The following OXCT1 variants were observed in gnomAD, a reference collection of about 807,000 sequenced individuals.
OXCT1 encodes 3-oxoacid CoA-transferase 1, also known as succinyl-CoA:3-ketoacid coenzyme A transferase 1, mitochondrial.
In OXCT1, 27 loss-of-function variants were observed where a neutral mutation model predicts 69.6. That is an observed-to-expected ratio of 0.39 (90% CI 0.29 to 0.54). OXCT1 has a LOEUF of 0.54. OXCT1 is among the 20% of genes least tolerant of loss of function. OXCT1 has a pLI of 0.72. For synonymous variants in OXCT1, 202 were observed against 217.8 expected, an observed-to-expected ratio of 0.93 and a Z score of 0.64; for missense variants, 437 against 650.2, an observed-to-expected ratio of 0.67 and a Z score of 3.57.
chr5:41,866,137 T>A (rs1161257246), intron 1 of OXCT1, among the ~76,000 whole-genome samples: 1 of 147,596 alleles, frequency 6.8e-6, no homozygotes, highest in South Asian at 2.2e-4. Flanking sequence ...TCAGGGGTTG[T>A]TAGCTTCCTT....
chr5:41,757,640 G>C (rs1411952437), intron 14 of OXCT1, among the ~76,000 whole-genome samples: 1 of 151,964 alleles, frequency 6.6e-6, no homozygotes, highest in Non-Finnish European at 1.5e-5. Context: ...AAACATCAAA[G>C]AATATTCCTT....
intron 16 of OXCT1, among the ~76,000 whole-genome samples, chr5:41,737,586 C>T (rs1742949702): frequency 6.6e-6 from 1 of 152,108 alleles, no homozygotes; most frequent in Non-Finnish European, 1.5e-5. Context: ...TAAGCATATC[C>T]TTCCCCTTGA....
intron 13 of OXCT1, among the ~76,000 whole-genome samples, chr5:41,789,881 T>A (rs1745829657): frequency 2.0e-5 from 3 of 152,164 alleles, no homozygotes; most frequent in Admixed American, 2.0e-4. Context: ...ACAAACCCCC[T>A]TGTAGTTTTA....
At chr5:41,851,708 A>C (rs1190259185) in intron 4 of OXCT1, among the ~76,000 whole-genome samples, 1 of 151,128 alleles carries the variant, frequency 6.6e-6, no homozygotes, top group Non-Finnish European at 1.5e-5. Context: ...AGCCTGAGGA[A>C]AAACTGTAAA....
intron 11 of OXCT1, among the ~76,000 whole-genome samples, chr5:41,800,439 A>G (rs1746369881): frequency 6.6e-6 from 1 of 151,586 alleles, no homozygotes; most frequent in African/African-American, 2.4e-5. Flanking sequence ...AGGCTGACCT[A>G]CTTTGACTTG....
In OXCT1 at chr5:41,762,045, G is replaced by T; in HGVS notation, c.1338+66C>A. Reference sequence around the variant, plus strand: ...AAATCCACAGTTAGGTGACCTGGTGGTACACTGGGTTTTGATGTATTGCAA... The same window carrying T: ...AAATCCACAGTTAGGTGACCTGGTGTTACACTGGGTTTTGATGTATTGCAA... On this transcript the variant is annotated intron_variant, in intron 14 of 16. Transcript: ENST00000196371. This position sits in a 1 kb window ranked among gnomAD's most constrained non-coding sequence, Gnocchi z 4.0. 1 of 1,023,168 alleles carries T rather than the reference G, an allele frequency of 9.8e-7. No homozygotes were observed. The highest frequency in any genetic ancestry group is 1.6e-6 in the Non-Finnish European group (1 of 640,320). The allele number at this position is 1,023,168 out of a possible 1,614,324, so 63.4% of individuals were successfully genotyped here.
intron 16 of OXCT1, among the ~76,000 whole-genome samples, chr5:41,734,487 T>C (rs554419579): frequency 1.3e-5 from 2 of 152,328 alleles, no homozygotes; most frequent in African/African-American, 4.8e-5. Flanking sequence ...ACAATTACTT[T>C]TGCATCAACC....
chr5:41,744,878 C>G (rs888985230), intron 15 of OXCT1, among the ~76,000 whole-genome samples: 15 of 152,054 alleles, frequency 9.9e-5, no homozygotes, highest in African/African-American at 3.1e-4. Flanking sequence ...GCTAACTATC[C>G]TAAATATATA....
chr5:41,860,395 C>CTAG (rs1749678245), intron 3 of OXCT1, among the ~76,000 whole-genome samples: 1 of 151,990 alleles, frequency 6.6e-6, no homozygotes, highest in Admixed American at 6.6e-5. Flanking sequence ...GGGGCAAGAT[C>CTAG]AATAAAGACT....
rs1478208360 is a variant in OXCT1 at position 41,796,351 on chromosome 5, T to C, written c.1100-1602A>G. On this transcript the variant is annotated intron_variant, in intron 11 of 16. Coordinates refer to ENST00000196371, the MANE Select transcript of OXCT1 (RefSeq NM_000436.4). ...ACTGTGCCAAAGATAAGTCACCTGT[T>C]TTGAGAACACCCCATGCATGGCCTC... 3.9e-5 allele frequency among the ~76,000 whole-genome samples: 6 copies of C among 152,236 alleles called. No individual in the cohort carries two copies. The South Asian group carries it at 8.3e-4, about 21-fold the overall frequency.
At chr5:41,750,924 A>C (rs1236336849) in intron 14 of OXCT1, among the ~76,000 whole-genome samples, 2 of 152,164 alleles carry the variant, frequency 1.3e-5, no homozygotes, top group African/African-American at 4.8e-5. Flanking sequence ...ATTTTTAAAA[A>C]AACTATTACT....
chr5:41,860,973 T>C (rs1191398090), intron 3 of OXCT1, among the ~76,000 whole-genome samples: 2 of 152,102 alleles, frequency 1.3e-5, no homozygotes, highest in Non-Finnish European at 2.9e-5. Flanking sequence ...CATAAAACAA[T>C]ACATTTAAAT....
At chr5:41,767,720 GTGTATATATA>G (rs1247815892) in intron 13 of OXCT1, among the ~76,000 whole-genome samples, 12 of 78,382 alleles carry the variant, frequency 1.5e-4, no homozygotes, top group South Asian at 4.4e-4. Context: ...ATATATGTGT[GTGTATATATA>G]TATATATATA....
At chr5:41,841,577 G>A (rs1158391551) in intron 6 of OXCT1, among the ~76,000 whole-genome samples, 1 of 152,186 alleles carries the variant, frequency 6.6e-6, no homozygotes, top group Non-Finnish European at 1.5e-5. Flanking sequence ...CCAGCATAAA[G>A]TCAGTGCCCA....
intron 11 of OXCT1, among the ~76,000 whole-genome samples, chr5:41,800,810 A>G (rs1038470834): frequency 3.3e-4 from 50 of 152,046 alleles, no homozygotes; most frequent in Non-Finnish European, 1.5e-4. Context: ...TGATCCATCA[A>G]AGCTCTTCCA....
At chr5:41,867,930 T>C (rs1245927896) in intron 1 of OXCT1, among the ~76,000 whole-genome samples, 1 of 152,228 alleles carries the variant, frequency 6.6e-6, no homozygotes, top group Non-Finnish European at 1.5e-5. Flanking sequence ...AATAGTCTAT[T>C]TTCACCTAAG....
intron 14 of OXCT1, among the ~76,000 whole-genome samples, chr5:41,755,279 C>A (rs1237774008): frequency 6.6e-6 from 1 of 151,538 alleles, no homozygotes; most frequent in African/African-American, 2.4e-5. Context: ...TTTTTTTCTC[C>A]CATTTTATAA....
At chr5:41,791,988 A>G (rs1485699066) in intron 13 of OXCT1, among the ~76,000 whole-genome samples, 1 of 152,110 alleles carries the variant, frequency 6.6e-6, no homozygotes, top group Admixed American at 6.5e-5. Flanking sequence ...ATTTTTTAGC[A>G]GAGACGAGGT....
intron 3 of OXCT1, among the ~76,000 whole-genome samples, chr5:41,854,393 GC>G: frequency 6.6e-6 from 1 of 152,016 alleles, no homozygotes; most frequent in Non-Finnish European, 1.5e-5. Context: ...ATTTTTCAAA[GC>G]AAAATATGCC....
Sources: allele counts gnomAD v4.1 joint callset (sites outside exome capture counted in the v4.1 genomes callset), GRCh38; gene constraint gnomAD v4.1.1; non-coding constraint Gnocchi (gnomAD v3.1); transcripts MANE v1.5; gene names NCBI Gene and HGNC (gene_info 2026-07-23, HGNC 2026-07-21).